CCDC91: variants seen among roughly 807,000 people sequenced by gnomAD.
CCDC91 encodes the protein coiled-coil domain containing 91, also known as coiled-coil domain-containing protein 91.
In CCDC91, 48 loss-of-function variants were observed where a neutral mutation model predicts 63.2. The observed-to-expected ratio is 0.76, with a 90% CI of 0.60 to 0.97. The LOEUF (loss-of-function observed/expected upper bound fraction) is 0.97, where lower values mean the gene tolerates loss of function less well. CCDC91 is among the 50% of genes least tolerant of loss of function. The probability of loss-of-function intolerance (pLI) is 0.00; values close to 1 mark genes in which losing one functional copy is unlikely to be tolerated. For missense variants in CCDC91, 500 were observed against 494.6 expected (o/e 1.01, Z -0.10); for synonymous variants, 167 against 165.8 (o/e 1.01, Z -0.06).
chr12:28,401,747 A>G (rs1163405764), intron 8 of CCDC91, among the ~76,000 whole-genome samples: 1 of 152,200 alleles, frequency 6.6e-6, no homozygotes, highest in Non-Finnish European at 1.5e-5. Flanking sequence ...AACTATATCA[A>G]TCATGTTTTC....
intron 12 of CCDC91, among the ~76,000 whole-genome samples, chr12:28,503,658 C>T (rs1325577657): frequency 6.6e-6 from 1 of 152,118 alleles, no homozygotes; most frequent in African/African-American, 2.4e-5. Flanking sequence ...CAGCACTATT[C>T]ACAGTAGCAA....
At chr12:28,489,023 A>G (rs1951864670) in intron 12 of CCDC91, among the ~76,000 whole-genome samples, 1 of 151,974 alleles carries the variant, frequency 6.6e-6, no homozygotes, top group Non-Finnish European at 1.5e-5. Context: ...GTCATGCTTC[A>G]ATAGCAGAGT....
At chr12:28,467,250 A>G (rs1950590651) in intron 11 of CCDC91, among the ~76,000 whole-genome samples, 1 of 152,090 alleles carries the variant, frequency 6.6e-6, no homozygotes, top group Non-Finnish European at 1.5e-5. Context: ...TCACACATAG[A>G]CTGAAGAAAA....
chr12:28,435,103 AT>A (rs932477419), intron 8 of CCDC91, among the ~76,000 whole-genome samples: 1 of 150,348 alleles, frequency 6.7e-6, no homozygotes, highest in African/African-American at 2.4e-5. Context: ...GGTTTTGTTG[AT>A]TTTTTTTCCT....
chr12:28,320,330 C>T (rs565661365), intron 6 of CCDC91, among the ~76,000 whole-genome samples: 1 of 151,940 alleles, frequency 6.6e-6, no homozygotes, highest in South Asian at 2.1e-4. Context: ...AGAGTGCACA[C>T]AGACTTTTTT....
At chr12:28,200,077 G>A (rs1439626073) in intron 1 of CCDC91, among the ~76,000 whole-genome samples, 1 of 151,860 alleles carries the variant, frequency 6.6e-6, no homozygotes, top group Non-Finnish European at 1.5e-5. Context: ...TTATGCATAT[G>A]TTGGTATGCT....
At chr12:28,468,252 A>G (rs1363459782) in intron 11 of CCDC91, among the ~76,000 whole-genome samples, 1 of 151,686 alleles carries the variant, frequency 6.6e-6, no homozygotes, top group Non-Finnish European at 1.5e-5. Flanking sequence ...GAGACACTAC[A>G]TCTGGTATCT....
chr12:28,374,494 T>C (rs1382662637), intron 7 of CCDC91, among the ~76,000 whole-genome samples: 1 of 152,192 alleles, frequency 6.6e-6, no homozygotes, highest in Non-Finnish European at 1.5e-5. Context: ...CTTCAAATAT[T>C]AATTTAAACC....
At chr12:28,392,620 C>G (rs1349375800) in intron 8 of CCDC91, among the ~76,000 whole-genome samples, 2 of 152,160 alleles carry the variant, frequency 1.3e-5, no homozygotes, top group Non-Finnish European at 2.9e-5. Flanking sequence ...AGGGAGAGAA[C>G]TGGAAATACT....
At chr12:28,218,140 A>AT (rs1943689699) in intron 1 of CCDC91, among the ~76,000 whole-genome samples, 1 of 152,030 alleles carries the variant, frequency 6.6e-6, no homozygotes, top group Non-Finnish European at 1.5e-5. Context: ...CACATTGCAC[A>AT]TCTTTTTCCC....
At chr12:28,255,025 C>T (rs1946356318) in intron 1 of CCDC91, among the ~76,000 whole-genome samples, 1 of 152,072 alleles carries the variant, frequency 6.6e-6, no homozygotes, top group South Asian at 2.1e-4. Context: ...ATCCGCCTAC[C>T]TCAGCCTTCC....
At chr12:28,544,462 T>G (rs12319759) in intron 12 of CCDC91, among the ~76,000 whole-genome samples, 15,578 of 151,992 alleles carry the variant, frequency 0.1, 2,100 homozygotes, top group African/African-American at 0.31. Flanking sequence ...ATGAAGTCAT[T>G]TTTAAGCATT....
chr12:28,452,073 A>G (rs1374876648), intron 10 of CCDC91, among the ~76,000 whole-genome samples: 1 of 151,334 alleles, frequency 6.6e-6, no homozygotes, highest in Non-Finnish European at 1.5e-5. Flanking sequence ...TGTTAATATC[A>G]TGCAATTATA....
At chr12:28,509,369 A>G (rs992956186) in intron 12 of CCDC91, among the ~76,000 whole-genome samples, 2 of 151,826 alleles carry the variant, frequency 1.3e-5, no homozygotes, top group African/African-American at 4.8e-5. Context: ...CTGGGATCCA[A>G]ATGAGGAGGT....
At chr12:28,400,865 C>CTTAG in intron 8 of CCDC91, among the ~76,000 whole-genome samples, 1 of 152,296 alleles carries the variant, frequency 6.6e-6, no homozygotes. Context: ...CTGAGACCAC[C>CTTAG]TTAGCCTGGA....
rs1354289045 is a variant in CCDC91 at position 28,305,674 on chromosome 12, T to C, written c.135T>C (p.Ser45=). 1 of 1,612,646 alleles carries C rather than the reference T, an allele frequency of 6.2e-7. No homozygotes were observed. The part of the protein sequence containing the change: ...PAVSGVHLSP[S]SPEIVLDRDH... ...TATCTGGAGTCCATCTTTCACCATC[T>C]TCTCCTGAGATTGTACTGGACCGTG... The change falls in exon 4 of 13, where the codon TCT becomes TCC. Residue 45 remains serine (S), a synonymous_variant. Transcript: ENST00000536442.
At chr12:28,386,149 G>A (rs1945585662) in intron 7 of CCDC91, among the ~76,000 whole-genome samples, 1 of 152,108 alleles carries the variant, frequency 6.6e-6, no homozygotes, top group Admixed American at 6.5e-5. Context: ...TTGGTGACTT[G>A]TCTTGGTAGT....
At chr12:28,257,396 AAAT>A in intron 2 of CCDC91, 151 bp downstream of exon 2, 1 of 576,408 alleles carries the variant, frequency 1.7e-6, no homozygotes, top group Non-Finnish European at 3.0e-6. Context: ...AAATCAAGAA[AAAT>A]AAAAAAAAAC....
chr12:28,520,917 T>C (rs1177473028), intron 12 of CCDC91, among the ~76,000 whole-genome samples: 1 of 152,056 alleles, frequency 6.6e-6, no homozygotes, highest in African/African-American at 2.4e-5. Context: ...CTCTGTTCTG[T>C]TGCATTGGTC....
Sources: gnomAD v4.1 joint callset for allele counts (sites outside exome capture counted in the v4.1 genomes callset) on GRCh38, gnomAD v4.1.1 for gene constraint, MANE v1.5 for transcripts, NCBI Gene and HGNC (gene_info 2026-07-23, HGNC 2026-07-21) for gene names.